The following KAZN variants were observed in gnomAD, a reference collection of about 807,000 sequenced individuals.
The protein encoded by KAZN is kazrin, periplakin interacting protein.
A neutral mutation model predicts 87.4 loss-of-function variants in KAZN; 40 were observed. The ratio of observed to expected loss-of-function variants is 0.46; its 90% confidence interval spans 0.36 to 0.60. The LOEUF is 0.60. KAZN is among the 20% of genes least tolerant of loss of function. KAZN has a pLI of 0.00. For synonymous variants in KAZN, 466 were observed against 458.3 expected (o/e 1.02, Z -0.22); for missense variants, 898 against 1,073.9 (o/e 0.84, Z 2.29).
chr1:14,176,403 T>C (rs1466659753), intron 1 of KAZN, among the ~76,000 whole-genome samples: 5 of 152,214 alleles, frequency 3.3e-5, no homozygotes, highest in Admixed American at 6.5e-5. Context: ...TGCCACAGGG[T>C]CACCATTTCC....
intron 8 of KAZN, among the ~76,000 whole-genome samples, chr1:15,072,043 T>G (rs1639528778): frequency 6.6e-6 from 1 of 152,198 alleles, no homozygotes; most frequent in Non-Finnish European, 1.5e-5. Flanking sequence ...AGCCCACCAA[T>G]GGCTTCCCTG....
intron 2 of KAZN, among the ~76,000 whole-genome samples, chr1:14,483,634 T>C (rs919205126): frequency 6.6e-6 from 1 of 152,218 alleles, no homozygotes; most frequent in African/African-American, 2.4e-5. Flanking sequence ...ACAATTTGGT[T>C]TTATACATTT....
At chr1:14,784,578 G>A (rs993190078) in intron 1 of KAZN, among the ~76,000 whole-genome samples, 2 of 152,140 alleles carry the variant, frequency 1.3e-5, no homozygotes, top group Non-Finnish European at 2.9e-5. Context: ...GGTCAACATG[G>A]TAAAACCCCG....
chr1:14,359,907 A>T (rs1452355331), intron 2 of KAZN, among the ~76,000 whole-genome samples: 2 of 152,098 alleles, frequency 1.3e-5, no homozygotes, highest in Non-Finnish European at 2.9e-5. Flanking sequence ...TCTGATGATT[A>T]TATGTCTTGT....
intron 1 of KAZN, among the ~76,000 whole-genome samples, chr1:14,837,550 A>ATTTT (rs1164233693): frequency 0.034 from 3,959 of 117,554 alleles, 96 homozygotes; most frequent in Admixed American, 0.067. Context: ...TAGCTGTATA[A>ATTTT]TTTTTTTTTT....
At chr1:14,938,852 A>G (rs1660745962) in intron 1 of KAZN, among the ~76,000 whole-genome samples, 3 of 152,238 alleles carry the variant, frequency 2.0e-5, no homozygotes, top group Admixed American at 6.5e-5. Flanking sequence ...GATGGCACCC[A>G]TCCTACAGTA....
intron 1 of KAZN, among the ~76,000 whole-genome samples, chr1:14,683,186 G>T (rs899315785): frequency 6.6e-6 from 1 of 152,168 alleles, no homozygotes; most frequent in Admixed American, 6.5e-5. Context: ...AGTCTCAGTG[G>T]TAGGAACGAC....
intron 1 of KAZN, among the ~76,000 whole-genome samples, chr1:14,910,068 TG>T (rs1462415359): frequency 2.0e-5 from 3 of 151,588 alleles, no homozygotes; most frequent in Admixed American, 6.6e-5. Flanking sequence ...AAATAATGAA[TG>T]AATGAATGAA....
rs1388507726 is a variant in KAZN, at chr1:14,111,264, G to A, written c.92-69171G>A. 4.5e-5 allele frequency among the ~76,000 whole-genome samples: 6 copies of A among 134,404 alleles called. 1 individual carries two copies. In the South Asian group the frequency reaches 9.9e-4, roughly 22 times the overall value. 88.2% of individuals were successfully genotyped at this position (134,404 alleles called of 152,430 possible). ...CGCGGGCTGCAGTCCAGGATATGCC[G>A]ATCCACTAAGCTTGAAATTGCATGG... On this transcript the variant is annotated intron_variant, in intron 1 of 16. Coordinates refer to the KAZN transcript ENST00000636203.
intron 2 of KAZN, among the ~76,000 whole-genome samples, chr1:14,579,042 T>C (rs892565332): frequency 6.6e-6 from 1 of 152,138 alleles, no homozygotes; most frequent in Non-Finnish European, 1.5e-5. Flanking sequence ...AATGCTCTGT[T>C]TGAGATGTCA....
At chr1:14,280,331 A>G (rs557064574) in intron 2 of KAZN, among the ~76,000 whole-genome samples, 39 of 126,402 alleles carry the variant, frequency 3.1e-4, no homozygotes, top group Non-Finnish European at 1.6e-5. Flanking sequence ...AGATCGCGCC[A>G]CTGCACTCCA....
intron 2 of KAZN, among the ~76,000 whole-genome samples, chr1:14,479,747 C>G (rs938981885): frequency 6.6e-6 from 1 of 152,174 alleles, no homozygotes; most frequent in Non-Finnish European, 1.5e-5. Context: ...TCCCCTTCCT[C>G]TGGGTTTTCC....
intron 1 of KAZN, among the ~76,000 whole-genome samples, chr1:14,897,967 A>C (rs1041847434): frequency 6.6e-6 from 1 of 152,222 alleles, no homozygotes; most frequent in Non-Finnish European, 1.5e-5. Context: ...GCAGCTATGG[A>C]GGAAACACCC....
intron 2 of KAZN, among the ~76,000 whole-genome samples, chr1:14,445,025 G>A (rs906904361): frequency 1.6e-5 from 2 of 122,500 alleles, no homozygotes; most frequent in African/African-American, 3.6e-5. Flanking sequence ...AACATAACCC[G>A]TGTGCTTTTT....
Position 14,598,945 on chromosome 1 carries a change from C to G in KAZN, c.-53C>G, listed in dbSNP as rs1676715473. 68 of 1,557,054 alleles carry G rather than the reference C, an allele frequency of 4.4e-5. No homozygotes were observed. Among genetic ancestry groups the G allele is most frequent in the Non-Finnish European group, 5.8e-5 (67 of 1,155,976 alleles). ...GGGGTGCCCGGCCGCGCGCCCCCCG[C>G]GCATCATGCAGCTCTTTGTCACCTC... On this transcript the variant is annotated 5_prime_UTR_variant, in exon 1 of 15. Coordinates refer to ENST00000376030, the MANE Select transcript of KAZN (RefSeq NM_201628.3). The surrounding 1 kb of genome is among the most constrained non-coding windows in gnomAD (Gnocchi z 4.2).
rs151232331 is a variant in KAZN, at chr1:13,910,381, G to C, written c.91+16625G>C. 1.1e-3 allele frequency among the ~76,000 whole-genome samples: 171 copies of C among 152,112 alleles called. 5 individuals are homozygous for C. In the East Asian group the frequency reaches 0.03, roughly 27 times the overall value. On this transcript the variant is annotated intron_variant, in intron 1 of 16. Transcript: ENST00000636203. ...AAATTAGCTGGGTGTGGTGGTGCAT[G>C]CCTGTAATCCCAGCTACCCAGGAGG...
At chr1:14,525,744 C>A (rs1343405938) in intron 2 of KAZN, among the ~76,000 whole-genome samples, 1 of 152,184 alleles carries the variant, frequency 6.6e-6, no homozygotes, top group Non-Finnish European at 1.5e-5. Flanking sequence ...CAATTCAATC[C>A]ATAAAGAATC....
At chr1:14,673,249 A>G (rs1640021296) in intron 1 of KAZN, among the ~76,000 whole-genome samples, 1 of 152,162 alleles carries the variant, frequency 6.6e-6, no homozygotes, top group Non-Finnish European at 1.5e-5. Flanking sequence ...CCCCTCTTCC[A>G]GTCCTTGACT....
intron 2 of KAZN, among the ~76,000 whole-genome samples, chr1:14,551,291 C>T (rs1673502533): frequency 6.6e-6 from 1 of 152,164 alleles, no homozygotes; most frequent in African/African-American, 2.4e-5. Flanking sequence ...AATTATTCGC[C>T]TTTCCTCTTC....
Sources: allele counts gnomAD v4.1 joint callset (sites outside exome capture counted in the v4.1 genomes callset), GRCh38; gene constraint gnomAD v4.1.1; non-coding constraint Gnocchi (gnomAD v3.1); transcripts MANE v1.5; gene names NCBI Gene and HGNC (gene_info 2026-07-23, HGNC 2026-07-21).